Variants in BANP observed in about 807,000 individuals in gnomAD.
The protein encoded by BANP is protein BANP.
In BANP, 11 loss-of-function variants were observed where a neutral mutation model predicts 68.1. That is an observed-to-expected ratio of 0.16 (90% CI 0.10 to 0.27). BANP has a LOEUF of 0.27. BANP is among the 10% of genes least tolerant of loss of function. BANP has a pLI of 1.00. For synonymous variants in BANP, 329 were observed against 303.2 expected, an observed-to-expected ratio of 1.09 and a Z score of -0.88; for missense variants, 504 against 722.7, an observed-to-expected ratio of 0.70 and a Z score of 3.47.
intron 10 of BANP, among the ~76,000 whole-genome samples, chr16:88,037,075 A>C (rs1423671476): frequency 6.6e-6 from 1 of 152,184 alleles, no homozygotes; most frequent in African/African-American, 2.4e-5. Flanking sequence ...GTTCTTGAAT[A>C]CCTGGAAGCC....
Position 88,003,378 on chromosome 16 carries a change from C to A in BANP, c.363-917C>A. 2.2e-6 allele frequency: 1 copy of A among 451,150 alleles called. No individual in the cohort carries two copies. The allele number at this position is 451,150 out of a possible 1,614,324, so 27.9% of individuals were successfully genotyped here. A position where few individuals can be genotyped will look rare whatever the true frequency, so the allele number is the denominator to read the frequency against. On this transcript the variant is annotated intron_variant, in intron 4 of 13. Coordinates refer to ENST00000682872, the MANE Select transcript of BANP (RefSeq NM_001386991.1). The surrounding 1 kb of genome is among the most constrained non-coding windows in gnomAD (Gnocchi z 6.1). ...TTCCTATGTGCAGATCACAGAAAGG[C>A]AGGCTTCCCAGGTTGGTTTTTGGAG...
intron 1 of BANP, among the ~76,000 whole-genome samples, chr16:87,964,232 C>T (rs1188890755): frequency 6.6e-6 from 1 of 152,238 alleles, no homozygotes; most frequent in Non-Finnish European, 1.5e-5. Context: ...GGTGTGTTCT[C>T]ACTGGACTCA....
At chr16:87,969,867 A>G (rs1260867109) in intron 1 of BANP, among the ~76,000 whole-genome samples, 1 of 139,180 alleles carries the variant, frequency 7.2e-6, no homozygotes, top group African/African-American at 2.7e-5. Flanking sequence ...CTGTGAATTC[A>G]TTTTCATTTC....
Position 88,064,497 on chromosome 16 carries a change from C to T in BANP, c.1312-770C>T, listed in dbSNP as rs1377124501. 1.3e-5 allele frequency among the ~76,000 whole-genome samples: 2 copies of T among 152,248 alleles called. No homozygotes were observed. Among genetic ancestry groups the T allele is most frequent in the South Asian group, 2.1e-4 (1 of 4,828 alleles). The stretch of plus-strand genomic sequence containing the variant: ...AGCAAAACAACCCACCTGCCTCCCA[C>T]GGACAGATGCTCCCAGGATGCGGCT... On this transcript the variant is annotated intron_variant, in intron 11 of 13. Coordinates refer to ENST00000682872, the MANE Select transcript of BANP (RefSeq NM_001386991.1). This position sits in a 1 kb window ranked among gnomAD's most constrained non-coding sequence, Gnocchi z 4.5.
intron 4 of BANP, among the ~76,000 whole-genome samples, chr16:87,993,787 G>T (rs1424668152): frequency 6.6e-6 from 1 of 152,100 alleles, no homozygotes; most frequent in Non-Finnish European, 1.5e-5. Context: ...TTATATTACA[G>T]ACGGGGTTTC....
At chr16:87,954,389 TAAAA>T (rs1043042762) in intron 1 of BANP, among the ~76,000 whole-genome samples, 1 of 152,180 alleles carries the variant, frequency 6.6e-6, no homozygotes, top group African/African-American at 2.4e-5. Context: ...TAATGTCACT[TAAAA>T]AAAGTGTTGG....
At chr16:88,041,601 C>T (rs746274245) in intron 11 of BANP, among the ~76,000 whole-genome samples, 3 of 152,210 alleles carry the variant, frequency 2.0e-5, no homozygotes, top group Admixed American at 6.5e-5. Flanking sequence ...CACGCTCTTT[C>T]TGCCATTACG....
rs369458006 is a variant in BANP, at chr16:88,057,754, C to G, written c.1312-7513C>G. ...AGATGGCGGGGCCATCTGGGTGGGG[C>G]GGGGGGGGGGGTGCGTGCAGTGACT... is the stretch of plus-strand genomic sequence containing the variant. On this transcript the variant is annotated intron_variant, in intron 11 of 13. Transcript: ENST00000682872. This position sits in a 1 kb window ranked among gnomAD's most constrained non-coding sequence, Gnocchi z 4.6. Among the ~76,000 whole-genome samples the G allele has an allele frequency of 7.1e-4, 82 of 114,750 alleles. No individual in the cohort carries two copies. The highest frequency in any genetic ancestry group is 1.0e-3 in the East Asian group (4 of 3,820). 75.3% of individuals were successfully genotyped at this position (114,750 alleles called of 152,430 possible).
rs755821860 is a variant in BANP at position 87,960,950 on chromosome 16, C to T, written c.-69+9435C>T. 5.6e-4 allele frequency among the ~76,000 whole-genome samples: 85 copies of T among 152,286 alleles called. 1 individual carries two copies. Among genetic ancestry groups the T allele is most frequent in the Middle Eastern group, 3.4e-3 (1 of 294 alleles). On this transcript the variant is annotated intron_variant, in intron 1 of 13. Transcript: ENST00000682872. The stretch of plus-strand genomic sequence containing the variant: ...AAGTTTGTCTTTGCCACCGTGAGCC[C>T]GAGAGCTCCCAATAAATCAGATGCC...
chr16:87,990,222 T>C (rs1355957716), intron 4 of BANP, among the ~76,000 whole-genome samples: 3 of 152,254 alleles, frequency 2.0e-5, no homozygotes, highest in African/African-American at 7.2e-5. Flanking sequence ...TTTAAGAACA[T>C]TAAACAATTA....
intron 13 of BANP, among the ~76,000 whole-genome samples, chr16:88,073,573 A>C (rs1165775837): frequency 6.6e-6 from 1 of 152,136 alleles, no homozygotes; most frequent in Non-Finnish European, 1.5e-5. Flanking sequence ...GGGATGGTGA[A>C]GGCAAACTCG....
At chr16:88,035,815 G>A (rs11866732) in intron 10 of BANP, among the ~76,000 whole-genome samples, 11,469 of 152,266 alleles carry the variant, frequency 0.075, 686 homozygotes, top group African/African-American at 0.16. Context: ...TGGCCTCTAC[G>A]GGATTAGTGC....
At chr16:87,969,061 TG>T (rs2145456916) in intron 1 of BANP, among the ~76,000 whole-genome samples, 1 of 152,284 alleles carries the variant, frequency 6.6e-6, no homozygotes, top group South Asian at 2.1e-4. Context: ...TCGTCTGCAC[TG>T]CCCTCGTCCA....
intron 1 of BANP, among the ~76,000 whole-genome samples, chr16:87,967,306 A>G (rs2060213632): frequency 1.6e-5 from 2 of 126,632 alleles, no homozygotes; most frequent in African/African-American, 6.1e-5. Flanking sequence ...ACGGGGTTTC[A>G]CCCTGTTAGC....
At chr16:87,984,856 C>T (rs114055504) in intron 4 of BANP, among the ~76,000 whole-genome samples, 2,191 of 152,298 alleles carry the variant, frequency 0.014, 54 homozygotes, top group African/African-American at 0.05. Flanking sequence ...GCTCTGGTGT[C>T]GCTAGCCTTC....
At chr16:88,070,578 G>A (rs1413670288) in intron 12 of BANP, among the ~76,000 whole-genome samples, 3 of 152,160 alleles carry the variant, frequency 2.0e-5, no homozygotes, top group Non-Finnish European at 4.4e-5. Context: ...TGCCAGGCTT[G>A]TCTGCAAAGG....
chr16:87,985,778 T>C (rs1291533666), intron 4 of BANP, among the ~76,000 whole-genome samples: 1 of 152,100 alleles, frequency 6.6e-6, no homozygotes, highest in Non-Finnish European at 1.5e-5. Context: ...ACACTGGGAG[T>C]TCAGCCCCCA....
chr16:88,045,398 G>C (rs147200405), intron 11 of BANP, among the ~76,000 whole-genome samples: 1,933 of 152,354 alleles, frequency 0.013, 48 homozygotes, highest in African/African-American at 0.045. Context: ...TTGCAGGAGA[G>C]GCCGGGGCCA....
chr16:88,051,426 A>C (rs1294166852), intron 11 of BANP, among the ~76,000 whole-genome samples: 1 of 152,226 alleles, frequency 6.6e-6, no homozygotes, highest in Non-Finnish European at 1.5e-5. Flanking sequence ...TTGAGCTTGT[A>C]GAAAGTATGG....
Sources: gnomAD v4.1 joint callset for allele counts (sites outside exome capture counted in the v4.1 genomes callset) on GRCh38, gnomAD v4.1.1 for gene constraint, Gnocchi (gnomAD v3.1) non-coding constraint, MANE v1.5 for transcripts, NCBI Gene and HGNC (gene_info 2026-07-23, HGNC 2026-07-21) for gene names.